The following RAPGEF2 variants were observed in gnomAD, a reference collection of about 807,000 sequenced individuals.
RAPGEF2 encodes Rap guanine nucleotide exchange factor 2, also known as PDZ domain containing guanine nucleotide exchange factor (GEF) 1.
RAPGEF2 carries 54 observed loss-of-function variants against 186.7 expected under a neutral mutation model. The ratio of observed to expected loss-of-function variants is 0.29; its 90% CI spans 0.23 to 0.36. The LOEUF (loss-of-function observed/expected upper bound fraction) is 0.36. Among genes scored for constraint, RAPGEF2 ranks in the 10% least tolerant of loss-of-function variants. RAPGEF2 has a pLI of 1.00. For synonymous variants in RAPGEF2, 712 were observed against 705.9 expected (o/e 1.01, Z -0.14); for missense variants, 1,532 against 2,045.0 (o/e 0.75, Z 4.84).
At chr4:159,110,987 T>C (rs1441178584) in intron 1 of RAPGEF2, among the ~76,000 whole-genome samples, 2 of 152,100 alleles carry the variant, frequency 1.3e-5, no homozygotes, top group Admixed American at 6.5e-5. Flanking sequence ...TATTGCCGCA[T>C]TATTTTGACT....
In RAPGEF2 at chr4:159,323,390, C is replaced by T. The variant is rs79899723; in HGVS notation, c.991-69C>T. The T allele has an allele frequency of 2.2e-3, 2,823 of 1,274,250 alleles. 41 individuals carry two copies. The African/African-American group carries it at 0.038, about 17-fold the overall frequency. The allele number at this position is 1,274,250 out of a possible 1,614,324, so 78.9% of individuals were successfully genotyped here. A position where few individuals can be genotyped will look rare whatever the true frequency, so the allele number is the denominator to read the frequency against. On this transcript the variant is annotated intron_variant, in intron 10 of 29. Coordinates refer to ENST00000691494, the MANE Select transcript of RAPGEF2 (RefSeq NM_001394067.2). ...AGATCTGCTAATTCATTTTTAGGGA[C>T]CATACTGGCACTTACAGCTGTATGA...
chr4:159,175,148 G>A (rs1007675752), intron 1 of RAPGEF2, among the ~76,000 whole-genome samples: 13 of 152,172 alleles, frequency 8.5e-5, no homozygotes, highest in African/African-American at 3.1e-4. Context: ...GTCATTATCA[G>A]GTTTTCCTGG....
At chr4:159,215,304 C>T (rs536973900) in intron 4 of RAPGEF2, among the ~76,000 whole-genome samples, 1 of 152,050 alleles carries the variant, frequency 6.6e-6, no homozygotes, top group South Asian at 2.1e-4. Context: ...TCCCAAGTGA[C>T]TGGAACTACA....
In RAPGEF2 at chr4:159,276,967, A is replaced by G. The variant is rs971027996; in HGVS notation, c.544-27375A>G. Among the ~76,000 whole-genome samples the G allele has an allele frequency of 2.6e-5, 4 of 152,324 alleles. No individual in the cohort carries two copies. The South Asian group carries it at 8.3e-4, about 32-fold the overall frequency. On this transcript the variant is annotated intron_variant, in intron 7 of 29. Coordinates refer to ENST00000691494, the MANE Select transcript of RAPGEF2 (RefSeq NM_001394067.2). The stretch of plus-strand genomic sequence containing the variant: ...ACTTTAAGTTGTAGTGTACATGTGC[A>G]CAACGTGCAGGTTTGTTACATATGT...
intron 7 of RAPGEF2, among the ~76,000 whole-genome samples, chr4:159,270,390 G>C (rs776612030): frequency 4.6e-5 from 7 of 152,178 alleles, no homozygotes; most frequent in Non-Finnish European, 1.0e-4. Flanking sequence ...AGGCTTTATA[G>C]TGTCAGAGCT....
intron 1 of RAPGEF2, among the ~76,000 whole-genome samples, chr4:159,161,272 C>G (rs1744677634): frequency 1.3e-5 from 2 of 152,060 alleles, no homozygotes; most frequent in Non-Finnish European, 2.9e-5. Context: ...TTCAGAAAGC[C>G]AGTGATTAGA....
intron 7 of RAPGEF2, among the ~76,000 whole-genome samples, chr4:159,280,468 G>A (rs1302220885): frequency 6.6e-6 from 1 of 152,188 alleles, no homozygotes; most frequent in Non-Finnish European, 1.5e-5. Flanking sequence ...TCTCTGAAAA[G>A]AGTGTATGTC....
chr4:159,142,297 G>T (rs1037843089), intron 1 of RAPGEF2, among the ~76,000 whole-genome samples: 7 of 152,062 alleles, frequency 4.6e-5, no homozygotes, highest in Non-Finnish European at 1.0e-4. Context: ...CATTTTTCTT[G>T]TGTATGTTAA....
intron 16 of RAPGEF2, among the ~76,000 whole-genome samples, 160 bp from the exon 17 acceptor site, chr4:159,332,291 G>A (rs1038143141): frequency 1.1e-4 from 17 of 151,922 alleles, no homozygotes; most frequent in South Asian, 4.2e-4. Context: ...CAGATTTGGC[G>A]TGATTCGTTT....
chr4:159,289,371 G>A (rs112531744), intron 7 of RAPGEF2, among the ~76,000 whole-genome samples: 77 of 152,236 alleles, frequency 5.1e-4, no homozygotes, highest in East Asian at 2.1e-3. Flanking sequence ...TTTTTTTGAT[G>A]CTGGCTTCCA....
intron 1 of RAPGEF2, among the ~76,000 whole-genome samples, chr4:159,113,724 G>A (rs1263089277): frequency 3.5e-5 from 5 of 143,030 alleles, no homozygotes; most frequent in African/African-American, 5.3e-5. Flanking sequence ...CCTGGGTGAC[G>A]GATGAGACTC....
At chr4:159,134,142 C>T (rs1003767908) in intron 1 of RAPGEF2, among the ~76,000 whole-genome samples, 2 of 152,178 alleles carry the variant, frequency 1.3e-5, no homozygotes, top group Non-Finnish European at 1.5e-5. Flanking sequence ...CAGTCCTCTC[C>T]GTCTAGCCTG....
intron 17 of RAPGEF2, among the ~76,000 whole-genome samples, chr4:159,336,954 C>T (rs754309555): frequency 2.6e-5 from 4 of 152,076 alleles, no homozygotes; most frequent in African/African-American, 4.8e-5. Flanking sequence ...CATTTTCTTG[C>T]GACCCCAGTT....
chr4:159,204,355 C>G lies in RAPGEF2; in HGVS notation c.198-6145C>G, dbSNP rs369614326. On this transcript the variant is annotated intron_variant, in intron 3 of 29. Transcript: ENST00000691494. ...GATGGAGAGAGGTAAACATCTTGAA[C>G]AGCATGGCAGAGTTGGAATGAACAG... Among the ~76,000 whole-genome samples the G allele has an allele frequency of 2.6e-5, 4 of 152,072 alleles. No individual in the cohort carries two copies. In the South Asian group the frequency reaches 8.3e-4, roughly 31 times the overall value.
At chr4:159,303,905 T>C (rs1205286793) in intron 7 of RAPGEF2, among the ~76,000 whole-genome samples, 1 of 152,176 alleles carries the variant, frequency 6.6e-6, no homozygotes, top group Non-Finnish European at 1.5e-5. Context: ...TCTAAGATGC[T>C]CTCTTTTTTA....
chr4:159,121,481 C>T (rs529777567), intron 1 of RAPGEF2, among the ~76,000 whole-genome samples: 18 of 152,166 alleles, frequency 1.2e-4, no homozygotes, highest in African/African-American at 4.1e-4. Context: ...CTCCTCCCAC[C>T]TCAGCCTCTG....
At chr4:159,117,732 G>A (rs1017754132) in intron 1 of RAPGEF2, among the ~76,000 whole-genome samples, 11 of 152,076 alleles carry the variant, frequency 7.2e-5, no homozygotes, top group African/African-American at 2.7e-4. Flanking sequence ...GTGGCCTTGG[G>A]CAGGTTACTT....
Position 159,352,623 on chromosome 4 carries a change from G to C in RAPGEF2, c.3866-62G>C. ...ATTTTATTTTTGCTTCTATTTGGTA[G>C]ACTTCCCTTTGATGTTATAAACCTA... On this transcript the variant is annotated intron_variant, in intron 26 of 29. Transcript: ENST00000691494. The C allele has an allele frequency of 2.2e-6, 3 of 1,364,048 alleles. No homozygotes were observed. The South Asian group carries it at 3.6e-5, about 17-fold the overall frequency. 84.5% of individuals were successfully genotyped at this position (1,364,048 alleles called of 1,614,324 possible).
rs530171150 is a variant in RAPGEF2, at chr4:159,283,689, A to C, written c.544-20653A>C. 3.9e-5 allele frequency among the ~76,000 whole-genome samples: 6 copies of C among 152,338 alleles called. No individual in the cohort carries two copies. In the South Asian group the frequency reaches 1.2e-3, roughly 32 times the overall value. On this transcript the variant is annotated intron_variant, in intron 7 of 29. Coordinates refer to ENST00000691494, the MANE Select transcript of RAPGEF2 (RefSeq NM_001394067.2). ...CAAGAAGAAAGCAAATAAGTTTTTT[A>C]ATATATTGAAGGATCAAACAAGATA...
Sources: gnomAD v4.1 joint callset for allele counts (sites outside exome capture counted in the v4.1 genomes callset) on GRCh38, gnomAD v4.1.1 for gene constraint, MANE v1.5 for transcripts, NCBI Gene and HGNC (gene_info 2026-07-23, HGNC 2026-07-21) for gene names.